The following ABCA1 variants were observed in gnomAD, a reference collection of about 807,000 sequenced individuals.
ABCA1 encodes ATP binding cassette subfamily A member 1.
Under a neutral mutation model 262.5 loss-of-function variants are expected in ABCA1, and 133 were observed. The observed-to-expected ratio is 0.51, with a 90% CI of 0.44 to 0.59. The LOEUF is 0.59. Ranked by LOEUF, ABCA1 falls within the 20% of genes least tolerant of loss-of-function variation. The pLI is 0.00. For synonymous variants in ABCA1, 1,022 were observed against 1,043.5 expected, an observed-to-expected ratio of 0.98 and a Z score of 0.40; for missense variants, 2,452 against 2,777.5, an observed-to-expected ratio of 0.88 and a Z score of 2.63.
In ABCA1 at chr9:104,832,594, T is replaced by G; in HGVS notation, c.1489A>C (p.Thr497Pro). 2 of 1,614,214 alleles carry G rather than the reference T, an allele frequency of 1.2e-6. No homozygotes were observed. The highest frequency in any genetic ancestry group is 1.7e-6 in the Non-Finnish European group (2 of 1,180,034). Reference protein sequence around the residue: ...AFNETNQAIRTISRFMECVNL... With the variant: ...AFNETNQAIRPISRFMECVNL... ...TTCACCTCCATGAAGCGAGATATGG[T>G]CCGGATTGCCTGGTTAGTCTCGTTG... is the stretch of plus-strand genomic sequence containing the variant. The change falls in exon 12 of 50, where the codon ACC becomes CCC. Residue 497 changes from threonine to proline, a missense_variant. Thr to Pro is a conservative substitution (Grantham distance 38). Coordinates refer to ENST00000374736, the MANE Select transcript of ABCA1 (RefSeq NM_005502.4).
chr9:104,855,227 C>CAGAAA, intron 7 of ABCA1: 1 of 869,146 alleles, frequency 1.2e-6, no homozygotes, highest in Non-Finnish European at 1.4e-6. Context: ...GACAGAGTCT[C>CAGAAA]ACTCTGTCAC....
At chr9:104,834,452 TCA>T (rs1363468527) in intron 11 of ABCA1, among the ~76,000 whole-genome samples, 4 of 149,540 alleles carry the variant, frequency 2.7e-5, no homozygotes, top group African/African-American at 9.8e-5. Flanking sequence ...CCTCACAAGT[TCA>T]CAGAGGCTAG....
Position 104,837,045 on chromosome 9 carries a change from A to G in ABCA1, c.1246T>C (p.Trp416Arg), listed in dbSNP as rs1833878392. Residue 416 changes from tryptophan (W) to arginine (R), a missense_variant, in exon 11 of 50, where the codon TGG (tryptophan) becomes CGG (arginine). This residue lies in a region of ABCA1 where 1,032 missense variants were observed against 1,089.7 expected (regional missense o/e 0.95). Transcript: ENST00000374736. ...CAGATCTTGGGGCTGAGTTCCTCCC[A>G]CATGCCTTCCAGATCATGGAACACA... ...LAVFHDLEGM[W>R]EELSPKIWTF... 1.2e-6 allele frequency: 2 copies of G among 1,614,052 alleles called. No individual in the cohort carries two copies. The highest frequency in any genetic ancestry group is 1.7e-6 in the Non-Finnish European group (2 of 1,180,016).
At chr9:104,857,181 G>A (rs553363181) in intron 7 of ABCA1, among the ~76,000 whole-genome samples, 1 of 152,234 alleles carries the variant, frequency 6.6e-6, no homozygotes, top group South Asian at 2.1e-4. Context: ...GCAGGTGCCT[G>A]TAGTCCCAGG....
chr9:104,855,235 C>CTCAGA, intron 7 of ABCA1: 1 of 883,736 alleles, frequency 1.1e-6, no homozygotes, highest in Non-Finnish European at 1.4e-6. Context: ...CTCACTCTGT[C>CTCAGA]ACGCTGGCTG....
chr9:104,904,385 C>T (rs975245068), intron 1 of ABCA1, among the ~76,000 whole-genome samples: 31 of 151,906 alleles, frequency 2.0e-4, no homozygotes, highest in Admixed American at 1.7e-3. Context: ...CTAGCCAATA[C>T]GGTGAAACCC....
intron 5 of ABCA1, among the ~76,000 whole-genome samples, chr9:104,873,667 T>C (rs764082707): frequency 3.9e-5 from 6 of 152,242 alleles, no homozygotes; most frequent in Non-Finnish European, 8.8e-5. Flanking sequence ...CTCTCTGAAC[T>C]TCGGCTCCTT....
In ABCA1 at chr9:104,784,432, G is replaced by C; in HGVS notation, c.6669C>G (p.Asp2223Glu). 6.2e-7 allele frequency: 1 copy of C among 1,613,982 alleles called. No homozygotes were observed. The highest frequency in any genetic ancestry group is 8.5e-7 in the Non-Finnish European group (1 of 1,179,948). ...LDQVFVNFAKDQSDDDHLKDL... is the reference protein window; with the variant it reads ...LDQVFVNFAKEQSDDDHLKDL... Reference sequence around the variant, plus strand: ...CTTTTAAGTGGTCATCATCACTTTGGTCCTTGGCAAAGTTCACAAATACCT... The same window carrying C: ...CTTTTAAGTGGTCATCATCACTTTGCTCCTTGGCAAAGTTCACAAATACCT... The change falls in exon 50 of 50, where the codon GAC (aspartate) becomes GAG (glutamate). Residue 2223 changes from aspartate to glutamate, a missense_variant. Coordinates refer to ENST00000374736, the MANE Select transcript of ABCA1 (RefSeq NM_005502.4).
At chr9:104,790,813 T>C in intron 44 of ABCA1, 109 bp downstream of exon 44, 1 of 804,526 alleles carries the variant, frequency 1.2e-6, no homozygotes, top group Non-Finnish European at 2.1e-6. Flanking sequence ...TATTTCAACA[T>C]TTTTATGAAC....
At chr9:104,813,484 G>T (rs545402003) in intron 27 of ABCA1, among the ~76,000 whole-genome samples, 3 of 152,300 alleles carry the variant, frequency 2.0e-5, no homozygotes, top group African/African-American at 7.2e-5. Context: ...CGCAACCGTG[G>T]CTGACTGCAA....
Position 104,784,380 on chromosome 9 carries a change from C to T in ABCA1, c.6721G>A (p.Val2241Ile), listed in dbSNP as rs762324071. ...GATGTGAGAACTGCAACGTCCACTA[C>T]TGTCTGGTTTTTGTGTAATGAGAGG... ...KDLSLHKNQT[V>I]VDVAVLTSFL... The change falls in exon 50 of 50, where the codon GTA (valine) becomes ATA (isoleucine). Residue 2241 changes from valine (V) to isoleucine (I), a missense_variant. Val to Ile is a conservative substitution (Grantham distance 29). Around this residue, in one of 4 missense-constraint regions of ABCA1, gnomAD observed 752 missense variants for 944.5 expected, o/e 0.80. Transcript: ENST00000374736. 6 of 1,614,018 alleles carry T rather than the reference C, an allele frequency of 3.7e-6. No individual in the cohort carries two copies. The highest frequency in any genetic ancestry group is 5.1e-6 in the Non-Finnish European group (6 of 1,180,000).
chr9:104,894,172 C>T (rs1840008127), intron 2 of ABCA1, among the ~76,000 whole-genome samples: 1 of 152,134 alleles, frequency 6.6e-6, no homozygotes, highest in Non-Finnish European at 1.5e-5. Context: ...TTAAGATATG[C>T]CACTTAAAAG....
intron 4 of ABCA1, 131 bp from the exon 5 acceptor site, chr9:104,883,288 C>T (rs1479471792): frequency 6.6e-6 from 5 of 762,384 alleles, no homozygotes; most frequent in Non-Finnish European, 1.2e-5. Context: ...CCCTAACCCA[C>T]TCCCATGGCT....
chr9:104,881,798 T>A (rs1838678343), intron 5 of ABCA1, among the ~76,000 whole-genome samples: 1 of 151,920 alleles, frequency 6.6e-6, no homozygotes, highest in Non-Finnish European at 1.5e-5. Flanking sequence ...AGAAGAAACA[T>A]CCATGTGCAA....
intron 3 of ABCA1, among the ~76,000 whole-genome samples, chr9:104,888,039 C>T (rs1839341831): frequency 6.7e-6 from 1 of 149,476 alleles, no homozygotes; most frequent in East Asian, 2.0e-4. Flanking sequence ...AATCACGTCT[C>T]AGAAAATGTT....
intron 30 of ABCA1, 119 bp from the exon 31 acceptor site, chr9:104,806,549 G>T: frequency 1.0e-6 from 1 of 998,988 alleles, no homozygotes; most frequent in Non-Finnish European, 1.5e-6. Context: ...CTCACCATTT[G>T]GAAAAGACAA....
chr9:104,897,304 T>C (rs1840309652), intron 2 of ABCA1, among the ~76,000 whole-genome samples: 1 of 152,136 alleles, frequency 6.6e-6, no homozygotes, highest in Non-Finnish European at 1.5e-5. Flanking sequence ...GCTATTTAAA[T>C]TGGTTGGATC....
chr9:104,883,026 G>T lies in ABCA1; in HGVS notation c.421+13C>A. The T allele has an allele frequency of 6.2e-7, 1 of 1,600,024 alleles. No homozygotes were observed. The highest frequency in any genetic ancestry group is 8.6e-7 in the Non-Finnish European group (1 of 1,167,166). On this transcript the variant is annotated intron_variant, in intron 5 of 49. Coordinates refer to ENST00000374736, the MANE Select transcript of ABCA1 (RefSeq NM_005502.4). ...TCCAATTATAAACGGATGCAGAGAA[G>T]GTTTTTACTTACTTGAGCTGGATTT... is the stretch of plus-strand genomic sequence containing the variant.
intron 8 of ABCA1, among the ~76,000 whole-genome samples, chr9:104,841,073 T>C (rs184132815): frequency 6.6e-6 from 1 of 152,258 alleles, no homozygotes; most frequent in Admixed American, 6.5e-5. Context: ...GGAGAAAAGG[T>C]ACTGTATGTG....
Sources: gnomAD v4.1 joint callset for allele counts (sites outside exome capture counted in the v4.1 genomes callset) on GRCh38, gnomAD v4.1.1 for gene constraint, gnomAD v4.1.1 regional missense constraint, MANE v1.5 for transcripts, NCBI Gene and HGNC (gene_info 2026-07-23, HGNC 2026-07-21) for gene names.